CDH12: variants seen among roughly 807,000 people sequenced by gnomAD.
CDH12 encodes the protein cadherin 12.
In CDH12, 41 loss-of-function variants were observed where a neutral mutation model predicts 74.1. The observed-to-expected ratio is 0.55, with a 90% confidence interval of 0.43 to 0.72. The LOEUF (loss-of-function observed/expected upper bound fraction) is 0.72. Among genes scored for constraint, CDH12 ranks in the 30% least tolerant of loss-of-function variants. The pLI, the probability that CDH12 is intolerant of heterozygous loss-of-function variation, is 0.00. For synonymous variants in CDH12, 399 were observed against 355.0 expected, an observed-to-expected ratio of 1.12 and a Z score of -1.39; for missense variants, 945 against 977.2, an observed-to-expected ratio of 0.97 and a Z score of 0.44.
At chr5:22,705,662 G>A (rs754931239) in intron 1 of CDH12, among the ~76,000 whole-genome samples, 6 of 151,902 alleles carry the variant, frequency 3.9e-5, no homozygotes, top group Non-Finnish European at 8.8e-5. Context: ...TCAGTAAATG[G>A]TGTGGCTAAA....
chr5:22,524,996 T>C (rs1013682945), intron 1 of CDH12, among the ~76,000 whole-genome samples: 2 of 143,452 alleles, frequency 1.4e-5, no homozygotes, highest in African/African-American at 5.2e-5. Context: ...TGTGTGATGT[T>C]CCCCTTCCTG....
chr5:21,897,778 C>A (rs185185009), intron 6 of CDH12, among the ~76,000 whole-genome samples: 2 of 151,998 alleles, frequency 1.3e-5, no homozygotes, highest in African/African-American at 2.4e-5. Context: ...TTAAAAAATA[C>A]AAATAAAAGC....
At chr5:22,260,455 A>G (rs1197138118) in intron 3 of CDH12, among the ~76,000 whole-genome samples, 1 of 152,090 alleles carries the variant, frequency 6.6e-6, no homozygotes, top group Non-Finnish European at 1.5e-5. Context: ...TGCTCAGACG[A>G]GAATAATTTT....
At chr5:22,747,244 T>C (rs1745336684) in intron 1 of CDH12, among the ~76,000 whole-genome samples, 1 of 152,082 alleles carries the variant, frequency 6.6e-6, no homozygotes, top group Non-Finnish European at 1.5e-5. Context: ...CAATAACATG[T>C]GATTTTTAAA....
chr5:22,545,950 G>GTTT (rs1224816891), intron 1 of CDH12, among the ~76,000 whole-genome samples: 1 of 151,820 alleles, frequency 6.6e-6, no homozygotes, highest in Admixed American at 6.6e-5. Flanking sequence ...TGTTGTTGTT[G>GTTT]TTGTTGCTTT....
chr5:21,990,579 T>C (rs1757701680), intron 5 of CDH12, among the ~76,000 whole-genome samples: 1 of 152,002 alleles, frequency 6.6e-6, no homozygotes, highest in Non-Finnish European at 1.5e-5. Context: ...ATAGCAATAT[T>C]CCTTTCTATT....
intron 6 of CDH12, among the ~76,000 whole-genome samples, chr5:21,872,986 C>T (rs1023422885): frequency 2.6e-4 from 40 of 151,682 alleles, no homozygotes; most frequent in African/African-American, 8.7e-4. Context: ...AAAAAACATA[C>T]ATATGTGTAT....
chr5:22,191,077 T>C (rs952432348), intron 4 of CDH12, among the ~76,000 whole-genome samples: 68 of 152,306 alleles, frequency 4.5e-4, no homozygotes, highest in Admixed American at 2.5e-3. Context: ...CTGTGTTCCT[T>C]CATCTCTGCA....
chr5:22,428,202 T>A (rs1168211540), intron 2 of CDH12, among the ~76,000 whole-genome samples: 1 of 31,596 alleles, frequency 3.2e-5, no homozygotes, highest in Non-Finnish European at 5.6e-5. Context: ...TATGTATATA[T>A]ATATACACAC....
intron 5 of CDH12, among the ~76,000 whole-genome samples, chr5:22,049,829 C>T (rs1740229273): frequency 6.6e-6 from 1 of 152,050 alleles, no homozygotes; most frequent in African/African-American, 2.4e-5. Context: ...ATGTTTATGC[C>T]AAAGTCTTCA....
intron 1 of CDH12, among the ~76,000 whole-genome samples, chr5:22,848,590 CT>C (rs777837307): frequency 5.9e-5 from 9 of 152,252 alleles, no homozygotes; most frequent in Admixed American, 1.3e-4. Context: ...GATCTCAGAT[CT>C]TCTGTCTGGG....
At chr5:21,945,763 T>A (rs1312944641) in intron 6 of CDH12, among the ~76,000 whole-genome samples, 4 of 149,260 alleles carry the variant, frequency 2.7e-5, no homozygotes, top group Admixed American at 6.7e-5. Context: ...AAAAAAAAAA[T>A]TTAACAGCAT....
Position 21,862,413 on chromosome 5 carries a change from T to C in CDH12, c.527-7623A>G, listed in dbSNP as rs191617493. ...AGGCCAGTGATGTTAAAATCATTCT[T>C]ATTGGTACTTAAAGACATTCTCATC... is the stretch of plus-strand genomic sequence containing the variant. On this transcript the variant is annotated intron_variant, in intron 6 of 14. Coordinates refer to ENST00000382254, the MANE Select transcript of CDH12 (RefSeq NM_004061.5). Among the ~76,000 whole-genome samples, 31 of 152,250 alleles carry C rather than the reference T, an allele frequency of 2.0e-4. No homozygotes were observed. In the East Asian group the frequency reaches 6.0e-3, roughly 29 times the overall value.
At chr5:22,111,075 T>G (rs1019492324) in intron 4 of CDH12, among the ~76,000 whole-genome samples, 5 of 152,180 alleles carry the variant, frequency 3.3e-5, no homozygotes, top group African/African-American at 1.2e-4. Context: ...AGAGTTGAAA[T>G]AGTTACTCAA....
At chr5:22,452,501 G>GA (rs886535751) in intron 2 of CDH12, among the ~76,000 whole-genome samples, 44 of 151,998 alleles carry the variant, frequency 2.9e-4, no homozygotes, top group Admixed American at 1.3e-3. Context: ...ATGGTTCTGA[G>GA]AAAATTTTTT....
intron 1 of CDH12, among the ~76,000 whole-genome samples, chr5:22,570,263 G>A (rs558021999): frequency 4.0e-5 from 6 of 151,874 alleles, no homozygotes; most frequent in African/African-American, 1.4e-4. Context: ...TGGTAAGGCT[G>A]GTCTTGAACT....
At chr5:22,016,324 T>C (rs1157576821) in intron 5 of CDH12, among the ~76,000 whole-genome samples, 2 of 152,260 alleles carry the variant, frequency 1.3e-5, no homozygotes, top group East Asian at 1.9e-4. Context: ...GTAAGGTTTA[T>C]GTAAGCTGGT....
chr5:22,287,479 C>A (rs1737194320), intron 3 of CDH12, among the ~76,000 whole-genome samples: 1 of 151,610 alleles, frequency 6.6e-6, no homozygotes, highest in Admixed American at 6.6e-5. Flanking sequence ...AATCCCAGCA[C>A]TTTGGGAGGC....
At chr5:22,208,301 A>G (rs1215220896) in intron 4 of CDH12, among the ~76,000 whole-genome samples, 12 of 152,184 alleles carry the variant, frequency 7.9e-5, no homozygotes, top group Non-Finnish European at 4.4e-5. Flanking sequence ...AAAAATGGGG[A>G]AGTCTCACCA....
Sources: gnomAD v4.1 joint callset for allele counts (sites outside exome capture counted in the v4.1 genomes callset) on GRCh38, gnomAD v4.1.1 for gene constraint, MANE v1.5 for transcripts, NCBI Gene and HGNC (gene_info 2026-07-23, HGNC 2026-07-21) for gene names.